Variants in UTRN observed in about 807,000 individuals in gnomAD.
The protein encoded by UTRN is utrophin.
UTRN carries 283 observed loss-of-function variants against 463.9 expected under a neutral mutation model. The ratio of observed to expected loss-of-function variants is 0.61; its 90% confidence interval spans 0.55 to 0.67. The LOEUF is 0.67. Among genes scored for constraint, UTRN ranks in the 30% least tolerant of loss-of-function variants. The pLI is 0.00. For synonymous variants in UTRN, 1,442 were observed against 1,431.5 expected, an observed-to-expected ratio of 1.01 and a Z score of -0.17; for missense variants, 3,922 against 4,084.3, an observed-to-expected ratio of 0.96 and a Z score of 1.08.
intron 53 of UTRN, among the ~76,000 whole-genome samples, chr6:144,726,205 A>G (rs1787861238): frequency 6.6e-6 from 1 of 152,176 alleles, no homozygotes; most frequent in African/African-American, 2.4e-5. Flanking sequence ...CCCATAGCCC[A>G]TGATTGGGTT....
At chr6:144,721,391 T>G (rs907145493) in intron 53 of UTRN, among the ~76,000 whole-genome samples, 2 of 152,172 alleles carry the variant, frequency 1.3e-5, no homozygotes, top group Non-Finnish European at 2.9e-5. Context: ...GTTGTTGTTA[T>G]TGAGACGGGG....
chr6:144,292,118 G>C (rs980889818), intron 2 of UTRN, among the ~76,000 whole-genome samples: 1 of 152,148 alleles, frequency 6.6e-6, no homozygotes, highest in African/African-American at 2.4e-5. Flanking sequence ...ACCCAATTTT[G>C]TGCTTAGTGA....
At chr6:144,418,798 C>T (rs1335675173) in intron 3 of UTRN, among the ~76,000 whole-genome samples, 4 of 152,024 alleles carry the variant, frequency 2.6e-5, no homozygotes, top group South Asian at 2.1e-4. Flanking sequence ...GTGATCCTCT[C>T]GCCTCGGCCT....
At chr6:144,726,010 T>C (rs954508959) in intron 53 of UTRN, among the ~76,000 whole-genome samples, 1 of 152,134 alleles carries the variant, frequency 6.6e-6, no homozygotes. Context: ...GCCAGCACCC[T>C]GCGCAGAGAG....
intron 2 of UTRN, among the ~76,000 whole-genome samples, chr6:144,397,366 G>A (rs1362782341): frequency 1.3e-5 from 2 of 152,186 alleles, no homozygotes; most frequent in African/African-American, 4.8e-5. Context: ...GGGCAGAGTG[G>A]ATGGGTCATT....
At chr6:144,647,285 ACTTGTT>A (rs1167215935) in intron 51 of UTRN, among the ~76,000 whole-genome samples, 4 of 152,164 alleles carry the variant, frequency 2.6e-5, no homozygotes, top group African/African-American at 9.7e-5. Flanking sequence ...ATCTGCTCAT[ACTTGTT>A]CTTCATGAAA....
At chr6:144,474,576 A>T (rs778456019) in intron 24 of UTRN, 28 bp from the exon 25 acceptor site, 10 of 1,597,242 alleles carry the variant, frequency 6.3e-6, no homozygotes, top group Non-Finnish European at 7.7e-6. Context: ...ATAGTAATGA[A>T]CTCAACATGC....
intron 34 of UTRN, among the ~76,000 whole-genome samples, chr6:144,502,129 A>G (rs1045144295): frequency 6.6e-6 from 1 of 151,254 alleles, no homozygotes; most frequent in African/African-American, 2.4e-5. Context: ...AAAAAAGTAA[A>G]TCCTTCTGAA....
At chr6:144,767,631 A>G (rs1175308965) in intron 58 of UTRN, among the ~76,000 whole-genome samples, 1 of 152,196 alleles carries the variant, frequency 6.6e-6, no homozygotes, top group Non-Finnish European at 1.5e-5. Context: ...ATTTACACAT[A>G]GAAAAAGTTT....
intron 41 of UTRN, among the ~76,000 whole-genome samples, chr6:144,528,899 G>A (rs1275890433): frequency 6.6e-6 from 1 of 152,224 alleles, no homozygotes; most frequent in Non-Finnish European, 1.5e-5. Context: ...GGCTACTGGG[G>A]CGAGTAGAGA....
chr6:144,313,612 A>G (rs1337697496), intron 2 of UTRN, among the ~76,000 whole-genome samples: 2 of 152,168 alleles, frequency 1.3e-5, no homozygotes, highest in African/African-American at 4.8e-5. Context: ...CCAAGCACCC[A>G]TGGTCTCCCA....
intron 28 of UTRN, among the ~76,000 whole-genome samples, chr6:144,485,804 C>T (rs1282067718): frequency 6.6e-6 from 1 of 152,106 alleles, no homozygotes; most frequent in Admixed American, 6.6e-5. Context: ...TTTAGTAGGC[C>T]CTGGACAAAG....
intron 51 of UTRN, among the ~76,000 whole-genome samples, chr6:144,675,141 T>C (rs1320751849): frequency 6.6e-6 from 1 of 152,198 alleles, no homozygotes; most frequent in African/African-American, 2.4e-5. Flanking sequence ...TTTTGCCCCA[T>C]AAGATGATCA....
At chr6:144,338,913 G>A (rs896241047) in intron 2 of UTRN, among the ~76,000 whole-genome samples, 1 of 152,212 alleles carries the variant, frequency 6.6e-6, no homozygotes, top group Admixed American at 6.5e-5. Context: ...GACTTGAACA[G>A]CTGGGACTCT....
intron 56 of UTRN, among the ~76,000 whole-genome samples, chr6:144,752,415 T>G (rs1244119843): frequency 2.0e-5 from 3 of 152,160 alleles, no homozygotes; most frequent in Non-Finnish European, 4.4e-5. Context: ...GGTGTTTACC[T>G]TTAGTTCTTA....
chr6:144,386,758 G>C (rs1006555107), intron 2 of UTRN, among the ~76,000 whole-genome samples: 2 of 151,948 alleles, frequency 1.3e-5, no homozygotes, highest in Admixed American at 6.6e-5. Context: ...TTGCATTTTA[G>C]CGGATGTGCA....
chr6:144,403,738 A>T lies in UTRN; in HGVS notation c.141+554A>T, dbSNP rs918992080. Reference sequence around the variant, plus strand: ...TTAGAACATAATCAATGCTTTGAGCAATATTTTTTCATAGGGGCAGAGCAT... The same window carrying T: ...TTAGAACATAATCAATGCTTTGAGCTATATTTTTTCATAGGGGCAGAGCAT... On this transcript the variant is annotated intron_variant, in intron 3 of 74. Coordinates refer to ENST00000367545, the MANE Select transcript of UTRN (RefSeq NM_007124.3). Among the ~76,000 whole-genome samples the T allele has an allele frequency of 5.1e-4, 78 of 152,170 alleles. 2 individuals are homozygous for T.
At chr6:144,708,453 C>G in intron 53 of UTRN, 1 of 608,348 alleles carries the variant, frequency 1.6e-6, no homozygotes, top group Non-Finnish European at 3.0e-6. Flanking sequence ...ACTCCTCGGG[C>G]CTCTGACTCC....
intron 22 of UTRN, among the ~76,000 whole-genome samples, chr6:144,461,961 A>T (rs1789461981): frequency 1.3e-5 from 2 of 152,040 alleles, no homozygotes; most frequent in South Asian, 4.2e-4. Flanking sequence ...CAGGATGTGC[A>T]GGTTTGTTAA....
Sources: gnomAD v4.1 joint callset for allele counts (sites outside exome capture counted in the v4.1 genomes callset) on GRCh38, gnomAD v4.1.1 for gene constraint, MANE v1.5 for transcripts, NCBI Gene and HGNC (gene_info 2026-07-23, HGNC 2026-07-21) for gene names.